SFI1: variants seen among roughly 807,000 people sequenced by gnomAD.
SFI1 encodes the protein protein SFI1 homolog.
In SFI1, 195 loss-of-function variants were observed where a neutral mutation model predicts 207.5. The ratio of observed to expected loss-of-function variants is 0.94; its 90% CI spans 0.84 to 1.06. The LOEUF is 1.06. Ranked by LOEUF, SFI1 falls within the 50% of genes least tolerant of loss-of-function variation. SFI1 has a pLI of 0.00. For missense variants in SFI1, 1,634 were observed against 1,588.0 expected, an observed-to-expected ratio of 1.03 and a Z score of -0.49; for synonymous variants, 630 against 598.9, an observed-to-expected ratio of 1.05 and a Z score of -0.76.
intron 4 of SFI1, among the ~76,000 whole-genome samples, chr22:31,543,440 ACTCTT>A (rs1236083348): frequency 2.0e-5 from 3 of 151,856 alleles, no homozygotes; most frequent in Admixed American, 6.6e-5. Context: ...GTGGTGGTTC[ACTCTT>A]CTCTTATTAT....
chr22:31,566,041 C>G (rs1291370263), intron 8 of SFI1, among the ~76,000 whole-genome samples: 1 of 151,918 alleles, frequency 6.6e-6, no homozygotes, highest in African/African-American at 2.4e-5. Flanking sequence ...CACCATTTAT[C>G]TGCTTACTTA....
chr22:31,525,859 G>A (rs1488630012), intron 2 of SFI1, among the ~76,000 whole-genome samples: 1 of 152,130 alleles, frequency 6.6e-6, no homozygotes, highest in East Asian at 1.9e-4. Flanking sequence ...GGTTACTACA[G>A]CTTTGTGGTT....
intron 2 of SFI1, among the ~76,000 whole-genome samples, chr22:31,508,890 G>T (rs956743498): frequency 4.6e-5 from 7 of 152,030 alleles, no homozygotes; most frequent in African/African-American, 1.7e-4. Context: ...ACTGTTTCTT[G>T]TAGTTCCTCT....
intron 8 of SFI1, among the ~76,000 whole-genome samples, chr22:31,567,841 A>T (rs1244624978): frequency 1.3e-5 from 2 of 152,200 alleles, no homozygotes; most frequent in East Asian, 3.8e-4. Context: ...CAATGACTAC[A>T]CAGAGAATAA....
At chr22:31,591,770 G>T (rs537987779) in intron 15 of SFI1, among the ~76,000 whole-genome samples, 17,563 of 26,096 alleles carry the variant, frequency 0.67, 6,459 homozygotes, top group Admixed American at 0.74. Context: ...TGGCTGGGCG[G>T]GGGGGCTGAC....
chr22:31,593,087 A>AC (rs571255660), intron 15 of SFI1, among the ~76,000 whole-genome samples: 4 of 98,306 alleles, frequency 4.1e-5, no homozygotes, highest in East Asian at 6.4e-4. Flanking sequence ...GGGGGGGCTG[A>AC]CCCCCCACCT....
intron 1 of SFI1, among the ~76,000 whole-genome samples, chr22:31,499,687 A>G (rs888242549): frequency 3.3e-5 from 5 of 152,176 alleles, no homozygotes; most frequent in Non-Finnish European, 4.4e-5. Flanking sequence ...AAAGGAAGAG[A>G]GTCCATCGAT....
Position 31,508,355 on chromosome 22 carries a change from T to G in SFI1, c.71T>G (p.Met24Arg). 1 of 1,612,634 alleles carries G rather than the reference T, an allele frequency of 6.2e-7. No individual in the cohort carries two copies. The highest frequency in any genetic ancestry group is 2.2e-5 in the East Asian group (1 of 44,770). ...CATCAAAAAGTGATTAAGCAGAGAA[T>G]GGAGAAGAAGGTTGATTCCAGGTGA... ...NFHQKVIKQRMEKKVDSRYFK... is the reference protein window; with the variant it reads ...NFHQKVIKQRREKKVDSRYFK... The change falls in exon 2 of 33, where the codon ATG (methionine) becomes AGG (arginine). Residue 24 changes from methionine to arginine, a missense_variant. Physicochemically the swap from Met to Arg is moderately conservative, Grantham distance 91. Transcript: ENST00000400288.
At chr22:31,594,425 G>A (rs569268284) in intron 15 of SFI1, among the ~76,000 whole-genome samples, 25 of 151,824 alleles carry the variant, frequency 1.6e-4, no homozygotes, top group Admixed American at 1.6e-3. Context: ...GCACATGCCT[G>A]TAATCCCAGC....
At chr22:31,606,687 TTTTTTC>T (rs1186036110) in intron 21 of SFI1, 2 of 264,046 alleles carry the variant, frequency 7.6e-6, no homozygotes, top group Admixed American at 5.5e-5. Flanking sequence ...AGTATTTTCT[TTTTTTC>T]TTTTTTTTTT....
chr22:31,505,173 T>A (rs1016621383), intron 1 of SFI1, among the ~76,000 whole-genome samples: 1 of 152,224 alleles, frequency 6.6e-6, no homozygotes, highest in African/African-American at 2.4e-5. Flanking sequence ...GCACAGTGGC[T>A]CACGCCTATA....
rs529620381 is a variant in SFI1, at chr22:31,512,342, C to T, written c.92+3966C>T. Among the ~76,000 whole-genome samples, 73 of 141,208 alleles carry T rather than the reference C, an allele frequency of 5.2e-4. 2 individuals carry two copies. In the South Asian group the frequency reaches 9.8e-3, roughly 19 times the overall value. 92.6% of individuals were successfully genotyped at this position (141,208 alleles called of 152,430 possible). A position where few individuals can be genotyped will look rare whatever the true frequency, so the allele number is the denominator to read the frequency against. On this transcript the variant is annotated intron_variant, in intron 2 of 32. Transcript: ENST00000400288. The stretch of plus-strand genomic sequence containing the variant: ...TGCACTCCAGCCAGGGCAATAACAG[C>T]GAAACTCCATCTCAAAAAAAAAAAA...
chr22:31,513,595 T>TTGTTA (rs1433119603), intron 2 of SFI1, among the ~76,000 whole-genome samples: 11 of 151,694 alleles, frequency 7.3e-5, no homozygotes, highest in Admixed American at 6.6e-4. Context: ...TTGTTTTATT[T>TTGTTA]TAGACAGAGT....
intron 21 of SFI1, chr22:31,607,699 A>C: frequency 3.1e-6 from 1 of 321,562 alleles, no homozygotes; most frequent in Non-Finnish European, 5.9e-6. Context: ...ATGGTATGAT[A>C]TGTAAATCCT....
chr22:31,603,697 C>T (rs761078504), intron 17 of SFI1, 47 bp from the exon 18 acceptor site: 1 of 1,467,922 alleles, frequency 6.8e-7, no homozygotes, highest in Non-Finnish European at 9.0e-7. Flanking sequence ...AGAGGGTGCC[C>T]TCACTGGGTG....
At chr22:31,595,871 A>G (rs2067026402) in intron 15 of SFI1, among the ~76,000 whole-genome samples, 1 of 152,216 alleles carries the variant, frequency 6.6e-6, no homozygotes, top group Non-Finnish European at 1.5e-5. Context: ...AGTTTTGGAA[A>G]TTACCTTAAG....
Position 31,557,066 on chromosome 22 carries a change from CT to C in SFI1, c.662+8del, listed in dbSNP as rs2061241092. 6.4e-7 allele frequency: 1 copy of C among 1,550,970 alleles called. No individual in the cohort carries two copies. The highest frequency in any genetic ancestry group is 1.7e-4 in the Middle Eastern group (1 of 5,830). On this transcript the variant is annotated splice_region_variant and intron_variant, in intron 7 of 32. Coordinates refer to ENST00000400288, the MANE Select transcript of SFI1 (RefSeq NM_001007467.3). Reference sequence around the variant, plus strand: ...GGCAACGGATTATCTTACGGTGAGTCTGCTCAACTGCCCTACAAAGTACCAG... The same window carrying C: ...GGCAACGGATTATCTTACGGTGAGTCGCTCAACTGCCCTACAAAGTACCAG...
chr22:31,616,795 C>A lies in SFI1; in HGVS notation c.3351C>A (p.Ser1117=), dbSNP rs1275896248. ...TPRDKPPVPS[S]LASVPDPHLL... Reference sequence around the variant, plus strand: ...GGGATAAGCCCCCGGTCCCCTCATCCCTGGCCAGTGTCCCTGACCCCCATC... The same window carrying A: ...GGGATAAGCCCCCGGTCCCCTCATCACTGGCCAGTGTCCCTGACCCCCATC... Residue 1117 remains serine, a synonymous_variant, in exon 30 of 33, where the codon TCC becomes TCA. Coordinates refer to ENST00000400288, the MANE Select transcript of SFI1 (RefSeq NM_001007467.3). 1.2e-6 allele frequency: 2 copies of A among 1,610,622 alleles called. No individual in the cohort carries two copies. The highest frequency in any genetic ancestry group is 1.1e-5 in the South Asian group (1 of 90,492).
intron 21 of SFI1, chr22:31,607,623 A>T (rs576764528): frequency 6.6e-6 from 1 of 151,464 alleles, no homozygotes; most frequent in African/African-American, 2.4e-5. Context: ...TTACATATAT[A>T]TATTTTATAT....
Sources: allele counts gnomAD v4.1 joint callset (sites outside exome capture counted in the v4.1 genomes callset), GRCh38; gene constraint gnomAD v4.1.1; transcripts MANE v1.5; gene names NCBI Gene and HGNC (gene_info 2026-07-23, HGNC 2026-07-21).